The following ANO4 variants were observed in gnomAD, a reference collection of about 807,000 sequenced individuals.
ANO4 encodes the protein anoctamin-4.
ANO4 carries 69 observed loss-of-function variants against 141.9 expected under a neutral mutation model. That is an observed-to-expected ratio of 0.49 (90% CI 0.40 to 0.59). The LOEUF (loss-of-function observed/expected upper bound fraction) is 0.59. Among genes scored for constraint, ANO4 ranks in the 20% least tolerant of loss-of-function variants. The pLI is 0.00. For synonymous variants in ANO4, 350 were observed against 394.3 expected, an observed-to-expected ratio of 0.89 and a Z score of 1.33; for missense variants, 894 against 1,162.2, an observed-to-expected ratio of 0.77 and a Z score of 3.36.
Position 101,111,722 on chromosome 12 carries a change from A to G in ANO4, c.2450+12A>G, listed in dbSNP as rs2050672157. 2 of 1,589,064 alleles carry G rather than the reference A, an allele frequency of 1.3e-6. No individual in the cohort carries two copies. The highest frequency in any genetic ancestry group is 8.5e-7 in the Non-Finnish European group (1 of 1,170,118). On this transcript the variant is annotated intron_variant, in intron 24 of 27. Coordinates refer to ENST00000392977, the MANE Select transcript of ANO4 (RefSeq NM_001286615.2). ...GAAGCTGGGCAAAAGTAAGTTTGCT[A>G]TAAAACCACTATACAGTTTCTATTT...
At chr12:101,126,491 A>G (rs7973064) in intron 26 of ANO4, among the ~76,000 whole-genome samples, 7,736 of 150,634 alleles carry the variant, frequency 0.051, 623 homozygotes, top group African/African-American at 0.18. Flanking sequence ...TTCTCACAAT[A>G]CTCACTTTAT....
intron 5 of ANO4, among the ~76,000 whole-genome samples, chr12:100,949,562 A>G (rs2042885545): frequency 1.3e-5 from 2 of 152,224 alleles, no homozygotes; most frequent in South Asian, 4.1e-4. Context: ...CATAACGGCT[A>G]AATACAACGT....
intron 3 of ANO4, among the ~76,000 whole-genome samples, chr12:100,751,754 A>G (rs893583252): frequency 6.6e-6 from 1 of 152,088 alleles, no homozygotes; most frequent in South Asian, 2.1e-4. Context: ...AGTAGAAGAG[A>G]GAGATATGAA....
chr12:100,943,254 G>A (rs1009207350), intron 5 of ANO4, among the ~76,000 whole-genome samples: 2 of 152,118 alleles, frequency 1.3e-5, no homozygotes, highest in African/African-American at 2.4e-5. Flanking sequence ...AACTCTTCTC[G>A]GCTTCTCCCT....
intron 1 of ANO4, among the ~76,000 whole-genome samples, chr12:100,876,594 G>A (rs1463828473): frequency 6.6e-6 from 1 of 152,202 alleles, no homozygotes; most frequent in African/African-American, 2.4e-5. Flanking sequence ...TACAGGGAAA[G>A]TACGTAAGTC....
At chr12:101,040,146 A>G (rs1364096583) in intron 11 of ANO4, 70 bp downstream of exon 11, 4 of 1,499,264 alleles carry the variant, frequency 2.7e-6, no homozygotes, top group Middle Eastern at 1.8e-4. Flanking sequence ...AGCTGGGACA[A>G]GCTCCCAATG....
chr12:100,983,336 A>G (rs2136317945), intron 7 of ANO4, among the ~76,000 whole-genome samples: 1 of 152,320 alleles, frequency 6.6e-6, no homozygotes, highest in African/African-American at 2.4e-5. Context: ...GTCCTAACGC[A>G]TTGCGACGAA....
chr12:100,761,939 GT>G (rs961078370), intron 3 of ANO4, among the ~76,000 whole-genome samples: 22 of 152,128 alleles, frequency 1.4e-4, no homozygotes, highest in African/African-American at 4.6e-4. Context: ...CTGCTTCTGG[GT>G]TTTTCCTTTC....
intron 1 of ANO4, among the ~76,000 whole-genome samples, chr12:100,897,176 G>A (rs1210196238): frequency 1.3e-5 from 2 of 152,160 alleles, no homozygotes; most frequent in African/African-American, 4.8e-5. Flanking sequence ...TAGATGATGT[G>A]TCTCAAGAGG....
intron 1 of ANO4, among the ~76,000 whole-genome samples, chr12:100,879,575 A>G (rs2039470137): frequency 6.6e-6 from 1 of 152,164 alleles, no homozygotes; most frequent in Non-Finnish European, 1.5e-5. Context: ...GAAGTATTCT[A>G]TTTATTCTTT....
At chr12:100,820,057 C>G (rs1332210948) in intron 1 of ANO4, among the ~76,000 whole-genome samples, 1 of 151,682 alleles carries the variant, frequency 6.6e-6, no homozygotes, top group African/African-American at 2.4e-5. Flanking sequence ...TCTTTGGGTT[C>G]CTCCCTCCCT....
At position 101,099,559 on chromosome 12, in the gene ANO4, A is replaced by C. The variant is rs1054764068; in HGVS notation, c.2007-19A>C. 8 of 1,578,618 alleles carry C rather than the reference A, an allele frequency of 5.1e-6. No homozygotes were observed. Among genetic ancestry groups the C allele is most frequent in the Non-Finnish European group, 6.0e-6 (7 of 1,168,854 alleles). ...ATGATCAGTTACATTTTTTGTAAGA[A>C]ATTGATCTTTTTGCCCAGGTTAATT... On this transcript the variant is annotated intron_variant, in intron 21 of 27. Transcript: ENST00000392977.
At chr12:100,948,178 A>AAT (rs1566044776) in intron 5 of ANO4, among the ~76,000 whole-genome samples, 1 of 141,950 alleles carries the variant, frequency 7.0e-6, no homozygotes, top group Non-Finnish European at 1.5e-5. Flanking sequence ...AAAAAAAAAA[A>AAT]GTTAGGAGAC....
intron 3 of ANO4, among the ~76,000 whole-genome samples, chr12:100,740,436 A>G (rs780881030): frequency 6.6e-6 from 1 of 152,160 alleles, no homozygotes; most frequent in Non-Finnish European, 1.5e-5. Flanking sequence ...GTGTATAGAA[A>G]TATTTGACCT....
chr12:101,090,582 A>T (rs371997835), intron 17 of ANO4, among the ~76,000 whole-genome samples: 20 of 152,262 alleles, frequency 1.3e-4, no homozygotes, highest in African/African-American at 4.8e-4. Context: ...GGAACATCAC[A>T]CACCAGGGCC....
intron 2 of ANO4, among the ~76,000 whole-genome samples, chr12:100,736,000 A>G (rs1354357630): frequency 6.6e-6 from 1 of 152,228 alleles, no homozygotes; most frequent in Non-Finnish European, 1.5e-5. Context: ...TGGGGGAAGC[A>G]CGGTGAGGGT....
At chr12:100,958,608 G>A (rs2043273599) in intron 5 of ANO4, among the ~76,000 whole-genome samples, 1 of 152,206 alleles carries the variant, frequency 6.6e-6, no homozygotes. Flanking sequence ...AGCACTTTGG[G>A]AGGCCAAGGT....
intron 3 of ANO4, among the ~76,000 whole-genome samples, chr12:100,782,706 G>A (rs965517612): frequency 7.9e-5 from 12 of 152,168 alleles, no homozygotes; most frequent in African/African-American, 2.9e-4. Flanking sequence ...GTAAGTTGCT[G>A]TAAGGATTAA....
At chr12:100,811,659 C>T (rs1301374109) in intron 1 of ANO4, among the ~76,000 whole-genome samples, 3 of 152,192 alleles carry the variant, frequency 2.0e-5, no homozygotes, top group African/African-American at 7.2e-5. Context: ...CCACTGTTCT[C>T]TTGGCCATAC....
Sources: allele counts gnomAD v4.1 joint callset (sites outside exome capture counted in the v4.1 genomes callset), GRCh38; gene constraint gnomAD v4.1.1; transcripts MANE v1.5; gene names NCBI Gene and HGNC (gene_info 2026-07-23, HGNC 2026-07-21).